Variants in ETAA1 observed in about 807,000 individuals in gnomAD.
ETAA1 encodes the protein ewing's tumor-associated antigen 1.
A neutral mutation model predicts 76.8 loss-of-function variants in ETAA1; 49 were observed. The observed-to-expected ratio is 0.64, with a 90% CI of 0.51 to 0.81. The LOEUF (loss-of-function observed/expected upper bound fraction) is 0.81. ETAA1 is among the 30% of genes least tolerant of loss of function. ETAA1 has a pLI of 0.00. For synonymous variants in ETAA1, 373 were observed against 372.2 expected (o/e 1.00, Z -0.03); for missense variants, 1,099 against 1,074.0 (o/e 1.02, Z -0.32).
At position 67,397,629 on chromosome 2, in the gene ETAA1, C is replaced by T; in HGVS notation, c.181C>T (p.Gln61Ter). 2 of 1,547,272 alleles carry T rather than the reference C, an allele frequency of 1.3e-6. No individual in the cohort carries two copies. The highest frequency in any genetic ancestry group is 1.4e-5 in the African/African-American group (1 of 73,114). The change falls in exon 1 of 6, where the codon CAG becomes TAG. Residue 61 changes from glutamine (Q) to a stop codon, truncating the protein, a stop_gained. Coordinates refer to ENST00000272342, the MANE Select transcript of ETAA1 (RefSeq NM_019002.4). LOFTEE classifies it high-confidence loss of function. Reference protein sequence around the residue: ...GPPGPVRQREQPPTAALCSKS... With the variant: ...GPPGPVRQRE Reference sequence around the variant, plus strand: ...TCCCGGGCCAGTGCGGCAGCGAGAGCAGCCTCCGACCGCCGCCCTGTGCAG... The same window carrying T: ...TCCCGGGCCAGTGCGGCAGCGAGAGTAGCCTCCGACCGCCGCCCTGTGCAG...
chr2:67,403,271 C>G lies in ETAA1; in HGVS notation c.589C>G (p.Gln197Glu). The G allele has an allele frequency of 6.3e-7, 1 of 1,589,888 alleles. No homozygotes were observed. Among genetic ancestry groups the G allele is most frequent in the Non-Finnish European group, 8.5e-7 (1 of 1,171,722 alleles). The change falls in exon 5 of 6, where the codon CAA becomes GAA. Residue 197 changes from glutamine to glutamate, a missense_variant. Coordinates refer to ENST00000272342, the MANE Select transcript of ETAA1 (RefSeq NM_019002.4). Reference protein sequence around the residue: ...QEEELMKLAKQFDKNMEELDV... With the variant: ...QEEELMKLAKEFDKNMEELDV... Reference sequence around the variant, plus strand: ...AGAAGAACTTATGAAACTGGCTAAACAATTTGATAAAAATATGGAAGAGCT... The same window carrying G: ...AGAAGAACTTATGAAACTGGCTAAAGAATTTGATAAAAATATGGAAGAGCT...
At chr2:67,405,505 G>T (rs62156688) in intron 5 of ETAA1, among the ~76,000 whole-genome samples, 170 bp downstream of exon 5, 14,450 of 151,722 alleles carry the variant, frequency 0.095, 722 homozygotes, top group Middle Eastern at 0.13. Flanking sequence ...ATAATTATAC[G>T]GCATTATACA....
intron 5 of ETAA1, among the ~76,000 whole-genome samples, chr2:67,408,179 AG>A: frequency 1.3e-5 from 2 of 152,202 alleles, no homozygotes; most frequent in Non-Finnish European, 2.9e-5. Context: ...GCTGCTCTCC[AG>A]GGAAGTATCT....
At chr2:67,405,907 A>G (rs62156689) in intron 5 of ETAA1, among the ~76,000 whole-genome samples, 10,344 of 152,052 alleles carry the variant, frequency 0.068, 456 homozygotes, top group Middle Eastern at 0.13. Context: ...CATTCTATCA[A>G]TAAGTTTCAT....
chr2:67,404,361 C>T lies in ETAA1; in HGVS notation c.1679C>T (p.Thr560Ile), dbSNP rs1676143235. The change falls in exon 5 of 6, where the codon ACC becomes ATC. Residue 560 changes from threonine (T) to isoleucine (I), a missense_variant. Thr to Ile is a moderately conservative substitution (Grantham distance 89, BLOSUM62 -1). This residue lies in a region of ETAA1 where 761 missense variants were observed against 731.9 expected (regional missense o/e 1.04). Transcript: ENST00000272342. ...GGCTCTGCAAATCTAGGCAGTAAAA[C>T]CAGTGTTAGTAACCCAAATCAGACT... ...LFGSANLGSK[T>I]SVSNPNQTSA... The T allele has an allele frequency of 6.2e-7, 1 of 1,613,090 alleles. No homozygotes were observed. Among genetic ancestry groups the T allele is most frequent in the Non-Finnish European group, 8.5e-7 (1 of 1,179,440 alleles).
Position 67,397,382 on chromosome 2 carries a change from T to C in ETAA1, c.-67T>C. 1.4e-6 allele frequency: 2 copies of C among 1,469,740 alleles called. No homozygotes were observed. The highest frequency in any genetic ancestry group is 9.3e-7 in the Non-Finnish European group (1 of 1,073,764). The allele number at this position is 1,469,740 out of a possible 1,614,324, so 91.0% of individuals were successfully genotyped here. On this transcript the variant is annotated 5_prime_UTR_variant, in exon 1 of 6. Coordinates refer to ENST00000272342, the MANE Select transcript of ETAA1 (RefSeq NM_019002.4). ...TGGTGCGGGGTGCGGTTTGTAGTGCTGTTGCCCTACTCATCCCTTTGCAAA... is the reference window on the plus strand; with the variant it reads ...TGGTGCGGGGTGCGGTTTGTAGTGCCGTTGCCCTACTCATCCCTTTGCAAA...
chr2:67,408,486 A>C (rs1416488185), intron 5 of ETAA1, among the ~76,000 whole-genome samples: 2 of 152,072 alleles, frequency 1.3e-5, no homozygotes, highest in Non-Finnish European at 2.9e-5. Context: ...AGCAGTTGCA[A>C]CAAGATACTC....
Position 67,405,082 on chromosome 2 carries a change from C to T in ETAA1, c.2400C>T (p.Cys800=), listed in dbSNP as rs1063571. Residue 800 remains cysteine (C), a synonymous_variant, in exon 5 of 6, where the codon TGC becomes TGT. Transcript: ENST00000272342. ...AGAAATTGAGTACTAATCAGCCATG[C>T]CATAAGACTGTAACAGATGAAGCTC... The part of the protein sequence containing the change: ...YKKKLSTNQP[C]HKTVTDEAQS... 144,571 of 1,611,750 alleles carry T rather than the reference C, an allele frequency of 0.09. 7,177 individuals carry two copies. Among genetic ancestry groups the T allele is most frequent in the Middle Eastern group, 0.13 (773 of 6,052 alleles).
intron 5 of ETAA1, 147 bp from the exon 6 acceptor site, chr2:67,409,764 T>C (rs1404137724): frequency 2.9e-6 from 2 of 681,940 alleles, no homozygotes; most frequent in African/African-American, 3.7e-5. Context: ...TATTATGTAC[T>C]TAGAATTTTA....
At chr2:67,402,258 A>AT (rs1239379380) in intron 3 of ETAA1, 2 of 151,722 alleles carry the variant, frequency 1.3e-5, no homozygotes, top group Admixed American at 6.6e-5. Flanking sequence ...TGTTTTCTCT[A>AT]TTTTTTTATT....
rs1322882931 is a variant in ETAA1, at chr2:67,397,584, T to C, written c.136T>C (p.Cys46Arg). ...RLRSARGSWP[C>R]GAREGPPGPV... ...GAGATCGGCCCGCGGTTCGTGGCCC[T>C]GCGGGGCTAGAGAGGGGCCTCCCGG... The change falls in exon 1 of 6, where the codon TGC (cysteine) becomes CGC (arginine). Residue 46 changes from cysteine (C) to arginine (R), a missense_variant. This residue lies in a region of ETAA1 where 761 missense variants were observed against 731.9 expected (regional missense o/e 1.04). Transcript: ENST00000272342. 20 of 1,557,008 alleles carry C rather than the reference T, an allele frequency of 1.3e-5. No homozygotes were observed. Among genetic ancestry groups the C allele is most frequent in the Non-Finnish European group, 1.7e-5 (20 of 1,151,084 alleles).
Position 67,411,239 on chromosome 2 carries a change from G to A in ETAA1, c.*1201G>A, listed in dbSNP as rs548330009. ...AATGGTTTTAGGAGATCTAGAGAAA[G>A]TTAGAGATATGAAACACCTGTCATG... On this transcript the variant is annotated 3_prime_UTR_variant, in exon 6 of 6. Coordinates refer to ENST00000272342, the MANE Select transcript of ETAA1 (RefSeq NM_019002.4). 1.5e-4 allele frequency: 23 copies of A among 152,094 alleles called. No homozygotes were observed. In the East Asian group the frequency reaches 4.4e-3, roughly 29 times the overall value. The allele number at this position is 152,094 out of a possible 1,614,324, so 9.4% of individuals were successfully genotyped here. A position where few individuals can be genotyped will look rare whatever the true frequency, so the allele number is the denominator to read the frequency against.
rs1310603856 is a variant in ETAA1, at chr2:67,411,640, T to C, written c.*1602T>C. 1 of 152,088 alleles carries C rather than the reference T, an allele frequency of 6.6e-6. No individual in the cohort carries two copies. Among genetic ancestry groups the C allele is most frequent in the African/African-American group, 2.4e-5 (1 of 41,454 alleles). The allele number at this position is 152,088 out of a possible 1,614,324, so 9.4% of individuals were successfully genotyped here. On this transcript the variant is annotated 3_prime_UTR_variant, in exon 6 of 6. Coordinates refer to ENST00000272342, the MANE Select transcript of ETAA1 (RefSeq NM_019002.4). ...GTTTCTATTGGACGCATATCACTTTTGCATCACGTTAGAGTTGAAAAATTG... is the reference window on the plus strand; with the variant it reads ...GTTTCTATTGGACGCATATCACTTTCGCATCACGTTAGAGTTGAAAAATTG...
intron 5 of ETAA1, 46 bp from the exon 6 acceptor site, chr2:67,409,865 C>T (rs1435102810): frequency 6.4e-7 from 1 of 1,551,316 alleles, no homozygotes; most frequent in Non-Finnish European, 8.7e-7. Flanking sequence ...TATTGAATGA[C>T]TTTATAGGCT....
At chr2:67,408,957 A>G (rs959264111) in intron 5 of ETAA1, among the ~76,000 whole-genome samples, 3 of 152,052 alleles carry the variant, frequency 2.0e-5, no homozygotes, top group African/African-American at 2.4e-5. Context: ...TTAGGAAAAA[A>G]TATCTACAGT....
chr2:67,399,298 GTAAT>G lies in ETAA1; in HGVS notation c.352+8_352+11del. On this transcript the variant is annotated splice_donor_variant and splice_donor_5th_base_variant and intron_variant, in intron 2 of 5. Transcript: ENST00000272342. LOFTEE classifies it high-confidence loss of function. Reference sequence around the variant, plus strand: ...AATTCTCCATTGACAAAGCAGTTAGGTAATTAATTATTAACATTTTTTATGTGAG... The same window carrying G: ...AATTCTCCATTGACAAAGCAGTTAGGTAATTATTAACATTTTTTATGTGAG... 6.2e-7 allele frequency: 1 copy of G among 1,602,282 alleles called. No individual in the cohort carries two copies. The highest frequency in any genetic ancestry group is 1.7e-5 in the Admixed American group (1 of 57,712).
chr2:67,401,450 G>C lies in ETAA1; in HGVS notation c.430-1412G>C, dbSNP rs554702120. On this transcript the variant is annotated intron_variant, in intron 3 of 5. Coordinates refer to ENST00000272342, the MANE Select transcript of ETAA1 (RefSeq NM_019002.4). The stretch of plus-strand genomic sequence containing the variant: ...TACTTTTATACAATGTTGTTTATTT[G>C]AAGATGGTATGTATCTTCATTTATA... 5.3e-5 allele frequency: 8 copies of C among 151,892 alleles called. No individual in the cohort carries two copies. In the South Asian group the frequency reaches 1.7e-3, roughly 32 times the overall value. 9.4% of individuals were successfully genotyped at this position (151,892 alleles called of 1,614,324 possible). A position where few individuals can be genotyped will look rare whatever the true frequency, so the allele number is the denominator to read the frequency against.
intron 1 of ETAA1, among the ~76,000 whole-genome samples, chr2:67,398,113 C>G (rs1431642531): frequency 6.6e-6 from 1 of 152,112 alleles, no homozygotes; most frequent in Non-Finnish European, 1.5e-5. Context: ...GTCTCAAAGC[C>G]TGGTAGATGT....
At chr2:67,407,970 CTA>C (rs1231567581) in intron 5 of ETAA1, among the ~76,000 whole-genome samples, 3 of 152,186 alleles carry the variant, frequency 2.0e-5, no homozygotes, top group Non-Finnish European at 4.4e-5. Context: ...CTATAAAAGA[CTA>C]AACCTCCTGG....
Sources: gnomAD v4.1 joint callset for allele counts (sites outside exome capture counted in the v4.1 genomes callset) on GRCh38, gnomAD v4.1.1 for gene constraint, gnomAD v4.1.1 regional missense constraint, MANE v1.5 for transcripts, NCBI Gene and HGNC (gene_info 2026-07-23, HGNC 2026-07-21) for gene names.